Variants in CNTNAP2 observed in about 807,000 individuals in gnomAD.
CNTNAP2 encodes the protein contactin-associated protein-like 2.
CNTNAP2 carries 98 observed loss-of-function variants against 155.2 expected under a neutral mutation model. That is an observed-to-expected ratio of 0.63 (90% CI 0.54 to 0.75). CNTNAP2 has a LOEUF of 0.75. Among genes scored for constraint, CNTNAP2 ranks in the 30% least tolerant of loss-of-function variants. The probability of loss-of-function intolerance (pLI) is 0.00; values close to 1 mark genes in which losing one functional copy is unlikely to be tolerated. For synonymous variants in CNTNAP2, 651 were observed against 631.2 expected (o/e 1.03, Z -0.47); for missense variants, 1,727 against 1,688.1 (o/e 1.02, Z -0.40).
At chr7:147,192,333 C>G (rs1457895672) in intron 8 of CNTNAP2, among the ~76,000 whole-genome samples, 2 of 107,000 alleles carry the variant, frequency 1.9e-5, no homozygotes, top group Non-Finnish European at 4.3e-5. Context: ...AATACCACTT[C>G]TTCTCCTCTT....
At chr7:147,409,093 C>T (rs1393258210) in intron 10 of CNTNAP2, among the ~76,000 whole-genome samples, 3 of 152,176 alleles carry the variant, frequency 2.0e-5, no homozygotes, top group African/African-American at 4.8e-5. Context: ...CAAACAATGT[C>T]TTAACTGACT....
chr7:147,933,055 GGGTTTGTTT>G (rs1800534009), intron 14 of CNTNAP2, among the ~76,000 whole-genome samples: 1 of 76,600 alleles, frequency 1.3e-5, no homozygotes, highest in South Asian at 7.4e-4. Flanking sequence ...TTATTTGAGG[GGGTTTGTTT>G]GTTTGTTTGT....
rs182118849 is a variant in CNTNAP2 at position 146,748,129 on chromosome 7, T to C, written c.98-26142T>C. ...TTGTCCAGATCTATGTGGTGTTTTC[T>C]TTTCTTTTCTTTTCTTTTTTTTTTT... On this transcript the variant is annotated intron_variant, in intron 1 of 23. Coordinates refer to ENST00000361727, the MANE Select transcript of CNTNAP2 (RefSeq NM_014141.6). Among the ~76,000 whole-genome samples, 17 of 127,372 alleles carry C rather than the reference T, an allele frequency of 1.3e-4. No individual in the cohort carries two copies. The East Asian group carries it at 4.5e-3, about 34-fold the overall frequency. 83.6% of individuals were successfully genotyped at this position (127,372 alleles called of 152,430 possible). A position where few individuals can be genotyped will look rare whatever the true frequency, so the allele number is the denominator to read the frequency against.
intron 11 of CNTNAP2, among the ~76,000 whole-genome samples, chr7:147,516,929 T>G (rs1460872603): frequency 6.7e-6 from 1 of 149,154 alleles, no homozygotes; most frequent in Non-Finnish European, 1.5e-5. Context: ...TGGCGCAATC[T>G]CGGCTCACTG....
chr7:147,880,418 G>A (rs1319821528), intron 13 of CNTNAP2, among the ~76,000 whole-genome samples: 1 of 152,104 alleles, frequency 6.6e-6, no homozygotes, highest in Non-Finnish European at 1.5e-5. Context: ...ACCTAAGTGG[G>A]GATGCCTAAT....
intron 1 of CNTNAP2, among the ~76,000 whole-genome samples, chr7:146,188,315 G>A (rs560732609): frequency 9.2e-5 from 14 of 152,260 alleles, no homozygotes; most frequent in African/African-American, 2.6e-4. Context: ...GTGAATTACC[G>A]TACATACCAC....
At chr7:147,327,340 G>A (rs1795479204) in intron 9 of CNTNAP2, among the ~76,000 whole-genome samples, 1 of 152,174 alleles carries the variant, frequency 6.6e-6, no homozygotes, top group East Asian at 1.9e-4. Flanking sequence ...TCCAAGTGGA[G>A]ATTGGAATCT....
At chr7:147,071,115 T>C (rs941137657) in intron 4 of CNTNAP2, among the ~76,000 whole-genome samples, 4 of 152,188 alleles carry the variant, frequency 2.6e-5, no homozygotes, top group Non-Finnish European at 4.4e-5. Context: ...TATTTTGCTG[T>C]GTAAAGCAAT....
intron 15 of CNTNAP2, among the ~76,000 whole-genome samples, chr7:148,063,726 T>A (rs970442276): frequency 6.6e-6 from 1 of 152,034 alleles, no homozygotes; most frequent in Non-Finnish European, 1.5e-5. Flanking sequence ...AGAAGCTTTT[T>A]AGTTTAATTA....
intron 12 of CNTNAP2, among the ~76,000 whole-genome samples, chr7:147,574,473 T>G (rs1476193111): frequency 6.6e-6 from 1 of 152,170 alleles, no homozygotes; most frequent in East Asian, 1.9e-4. Context: ...GAATAGCTCT[T>G]CCTTTTATTC....
intron 13 of CNTNAP2, among the ~76,000 whole-genome samples, chr7:147,643,171 T>A (rs1202522166): frequency 1.3e-5 from 2 of 152,154 alleles, no homozygotes; most frequent in Non-Finnish European, 2.9e-5. Flanking sequence ...GAATTTAAGG[T>A]GTTAGTCCTT....
chr7:148,405,446 T>TTTTTTTTTTTTTTTTTTTTTTTG (rs1799678093), intron 22 of CNTNAP2, among the ~76,000 whole-genome samples: 2 of 70,142 alleles, frequency 2.9e-5, no homozygotes, highest in African/African-American at 3.6e-5. Context: ...TTTTTTTTTT[T>TTTTTTTTTTTTTTTTTTTTTTTG]GAGACGGAGT....
intron 9 of CNTNAP2, among the ~76,000 whole-genome samples, chr7:147,311,706 GT>G (rs34208128): frequency 0.47 from 71,418 of 151,524 alleles, 17,586 homozygotes; most frequent in East Asian, 0.73. Context: ...AGAAGTTTGT[GT>G]TTTTTTTTCC....
At chr7:147,523,717 T>C (rs750407712) in intron 11 of CNTNAP2, among the ~76,000 whole-genome samples, 3 of 152,204 alleles carry the variant, frequency 2.0e-5, no homozygotes, top group Non-Finnish European at 4.4e-5. Flanking sequence ...CGTGTCTCCC[T>C]CTTCGGGCTC....
chr7:147,015,472 A>G (rs1474248396), intron 3 of CNTNAP2, among the ~76,000 whole-genome samples: 1 of 152,112 alleles, frequency 6.6e-6, no homozygotes, highest in African/African-American at 2.4e-5. Flanking sequence ...TTTTGAAAAC[A>G]CCATGCCCTA....
intron 1 of CNTNAP2, among the ~76,000 whole-genome samples, chr7:146,587,989 A>G (rs1047033331): frequency 1.4e-5 from 2 of 139,764 alleles, no homozygotes; most frequent in Non-Finnish European, 3.1e-5. Flanking sequence ...ATTAATTTTC[A>G]AACAAACCGT....
chr7:147,466,939 A>G (rs574362196), intron 10 of CNTNAP2, among the ~76,000 whole-genome samples: 47 of 152,212 alleles, frequency 3.1e-4, no homozygotes, highest in African/African-American at 1.1e-3. Flanking sequence ...AATAATAATA[A>G]TTTACTAATT....
chr7:146,432,179 A>G (rs1796182643), intron 1 of CNTNAP2, among the ~76,000 whole-genome samples: 1 of 152,176 alleles, frequency 6.6e-6, no homozygotes, highest in Admixed American at 6.6e-5. Flanking sequence ...ATGTAGAAAC[A>G]GGAGAAAAAA....
chr7:147,087,085 C>G (rs1800294773), intron 4 of CNTNAP2, among the ~76,000 whole-genome samples: 1 of 152,156 alleles, frequency 6.6e-6, no homozygotes, highest in Non-Finnish European at 1.5e-5. Flanking sequence ...CATGGTGGAC[C>G]TTCAGTGACT....
Sources: allele counts gnomAD v4.1 joint callset (sites outside exome capture counted in the v4.1 genomes callset), GRCh38; gene constraint gnomAD v4.1.1; transcripts MANE v1.5; gene names NCBI Gene and HGNC (gene_info 2026-07-23, HGNC 2026-07-21).